PPP1R16B: variants seen among roughly 807,000 people sequenced by gnomAD.
PPP1R16B encodes protein phosphatase 1 regulatory subunit 16B.
PPP1R16B carries 14 observed loss-of-function variants against 61.7 expected under a neutral mutation model. The observed-to-expected ratio is 0.23, with a 90% CI of 0.15 to 0.35. The LOEUF (loss-of-function observed/expected upper bound fraction) is 0.35. PPP1R16B is among the 10% of genes least tolerant of loss of function. PPP1R16B has a pLI of 1.00. For synonymous variants in PPP1R16B, 266 were observed against 305.3 expected (o/e 0.87, Z 1.34); for missense variants, 547 against 752.5 (o/e 0.73, Z 3.19).
At chr20:38,815,317 A>G (rs976800272) in intron 1 of PPP1R16B, among the ~76,000 whole-genome samples, 3 of 152,242 alleles carry the variant, frequency 2.0e-5, no homozygotes, top group Admixed American at 6.5e-5. Context: ...CAGCTAATTT[A>G]TCTGAGCACA....
At chr20:38,863,416 C>G (rs1166150383) in intron 2 of PPP1R16B, among the ~76,000 whole-genome samples, 1 of 152,220 alleles carries the variant, frequency 6.6e-6, no homozygotes, top group Non-Finnish European at 1.5e-5. Flanking sequence ...GACCACTCCA[C>G]TAGGCCAAAG....
intron 2 of PPP1R16B, among the ~76,000 whole-genome samples, chr20:38,856,149 G>A (rs958801581): frequency 1.1e-4 from 17 of 151,628 alleles, no homozygotes; most frequent in Admixed American, 6.6e-5. Context: ...ACAGAGAATT[G>A]GATAATGAAG....
rs144366409 is a variant in PPP1R16B at position 38,907,517 on chromosome 20, T to C, written c.899-289T>C. On this transcript the variant is annotated intron_variant, in intron 8 of 10. Transcript: ENST00000299824. This position sits in a 1 kb window ranked among gnomAD's most constrained non-coding sequence, Gnocchi z 4.5. ...TGCTTGGGCTATGTGGGGTACCTGC[T>C]TGGGGACTCTTCTTGGAAACTATCA... Among the ~76,000 whole-genome samples the C allele has an allele frequency of 9.8e-5, 15 of 152,312 alleles. No homozygotes were observed. In the East Asian group the frequency reaches 2.5e-3, roughly 25 times the overall value.
intron 2 of PPP1R16B, among the ~76,000 whole-genome samples, chr20:38,879,369 T>C (rs1331924630): frequency 6.6e-6 from 1 of 152,104 alleles, no homozygotes; most frequent in Non-Finnish European, 1.5e-5. Context: ...CTGAGTTAAA[T>C]GCAGTTCTCC....
At position 38,835,919 on chromosome 20, in the gene PPP1R16B, G is replaced by C. The variant is rs199559035; in HGVS notation, c.-7G>C. On this transcript the variant is annotated 5_prime_UTR_variant, in exon 2 of 11. Coordinates refer to ENST00000299824, the MANE Select transcript of PPP1R16B (RefSeq NM_015568.4). ...CCCCAGCCAGGGCGTTGGGGAGGGC[G>C]GTGGCCATGGCCAGTCACGTGGACC... The C allele has an allele frequency of 1.0e-5, 16 of 1,534,022 alleles. No individual in the cohort carries two copies. The Admixed American group carries it at 2.6e-4, about 25-fold the overall frequency.
intron 2 of PPP1R16B, among the ~76,000 whole-genome samples, chr20:38,861,477 C>G (rs911237324): frequency 6.6e-6 from 1 of 152,160 alleles, no homozygotes; most frequent in Admixed American, 6.5e-5. Flanking sequence ...GGGCTAGGCT[C>G]TGCCTCAGGG....
At chr20:38,824,698 G>A (rs2084794399) in intron 1 of PPP1R16B, among the ~76,000 whole-genome samples, 1 of 152,204 alleles carries the variant, frequency 6.6e-6, no homozygotes, top group African/African-American at 2.4e-5. Flanking sequence ...ATTATTCTCT[G>A]AGCTTCAGTG....
rs530846822 is a variant in PPP1R16B at position 38,903,062 on chromosome 20, C to T, written c.696+270C>T. The stretch of plus-strand genomic sequence containing the variant: ...GGCTGAGGTGGGAGGATCACTTGAG[C>T]CTGGGAGTTTGAGTTTGAGTTGTGA... On this transcript the variant is annotated intron_variant, in intron 6 of 10. Coordinates refer to ENST00000299824, the MANE Select transcript of PPP1R16B (RefSeq NM_015568.4). Among the ~76,000 whole-genome samples the T allele has an allele frequency of 2.0e-5, 3 of 152,284 alleles. No homozygotes were observed. In the East Asian group the frequency reaches 5.8e-4, roughly 29 times the overall value.
intron 3 of PPP1R16B, among the ~76,000 whole-genome samples, chr20:38,892,261 G>A (rs2085297936): frequency 6.6e-6 from 1 of 152,050 alleles, no homozygotes; most frequent in Admixed American, 6.5e-5. Flanking sequence ...CTCACATAGT[G>A]CCTCAACTTC....
chr20:38,906,083 T>G lies in PPP1R16B; in HGVS notation c.811T>G (p.Phe271Val). 6.2e-7 allele frequency: 1 copy of G among 1,612,922 alleles called. No homozygotes were observed. The highest frequency in any genetic ancestry group is 8.5e-7 in the Non-Finnish European group (1 of 1,179,822). ...CTGGGAGCCCCTGCATGCAGCTGCC[T>G]TCTGGGGACAGGTAGTTCTCACCCA... ...DGWEPLHAAA[F>V]WGQMQMAELL... is the part of the protein sequence containing the mutation. The change falls in exon 7 of 11, where the codon TTC becomes GTC. Residue 271 changes from phenylalanine to valine, a missense_variant. Physicochemically the swap from Phe to Val is conservative, Grantham distance 50. Transcript: ENST00000299824.
chr20:38,810,633 C>T (rs1009445103), intron 1 of PPP1R16B, among the ~76,000 whole-genome samples: 6 of 152,158 alleles, frequency 3.9e-5, no homozygotes, highest in African/African-American at 1.4e-4. Flanking sequence ...GTGGAGGAAG[C>T]GTCATGACCT....
intron 1 of PPP1R16B, among the ~76,000 whole-genome samples, chr20:38,820,818 G>A (rs1324181023): frequency 6.6e-6 from 1 of 151,906 alleles, no homozygotes; most frequent in Admixed American, 6.6e-5. Flanking sequence ...GGATCATGAG[G>A]TCAGGAGATC....
chr20:38,854,789 C>T (rs918509750), intron 2 of PPP1R16B, among the ~76,000 whole-genome samples: 1 of 152,134 alleles, frequency 6.6e-6, no homozygotes, highest in Non-Finnish European at 1.5e-5. Flanking sequence ...GTCAGTTTGG[C>T]TGTTACTATC....
chr20:38,889,655 C>T lies in PPP1R16B; in HGVS notation c.311C>T (p.Ala104Val). ...PDLCNEDGLT[A>V]LHQCCIDNFE... ...TTGTGCAATGAGGACGGACTCACAG[C>T]CCTACACCAGGTAAGGCCGGGCTCG... The change falls in exon 3 of 11, where the codon GCC becomes GTC. Residue 104 changes from alanine to valine, a missense_variant. Physicochemically the swap from Ala to Val is moderately conservative, Grantham distance 64 (BLOSUM62 0). Coordinates refer to ENST00000299824, the MANE Select transcript of PPP1R16B (RefSeq NM_015568.4). 6.3e-7 allele frequency: 1 copy of T among 1,592,732 alleles called. No individual in the cohort carries two copies. Among genetic ancestry groups the T allele is most frequent in the Non-Finnish European group, 8.6e-7 (1 of 1,160,462 alleles).
At position 38,906,062 on chromosome 20, in the gene PPP1R16B, G is replaced by C. The variant is rs1034116206; in HGVS notation, c.790G>C (p.Glu264Gln). ...RVDVKDWDGW[E>Q]PLHAAAFWGQ... ...GGATGTGAAGGACTGGGATGGCTGGGAGCCCCTGCATGCAGCTGCCTTCTG... is the reference window on the plus strand; with the variant it reads ...GGATGTGAAGGACTGGGATGGCTGGCAGCCCCTGCATGCAGCTGCCTTCTG... The change falls in exon 7 of 11, where the codon GAG (glutamate) becomes CAG (glutamine). Residue 264 changes from glutamate to glutamine, a missense_variant. Transcript: ENST00000299824. 1 of 1,613,410 alleles carries C rather than the reference G, an allele frequency of 6.2e-7. No individual in the cohort carries two copies. The highest frequency in any genetic ancestry group is 8.5e-7 in the Non-Finnish European group (1 of 1,179,934).
At chr20:38,897,836 T>G (rs370918838) in intron 4 of PPP1R16B, among the ~76,000 whole-genome samples, 12 of 152,236 alleles carry the variant, frequency 7.9e-5, no homozygotes, top group Non-Finnish European at 1.5e-5. Context: ...TTGATTTGCA[T>G]TTTTCTCGTG....
chr20:38,870,638 G>A (rs954961166), intron 2 of PPP1R16B, among the ~76,000 whole-genome samples: 1 of 152,172 alleles, frequency 6.6e-6, no homozygotes, highest in African/African-American at 2.4e-5. Flanking sequence ...TTAGGAAGGT[G>A]TGAAACAGTG....
At chr20:38,911,170 T>C (rs1452251448) in intron 10 of PPP1R16B, among the ~76,000 whole-genome samples, 1 of 148,988 alleles carries the variant, frequency 6.7e-6, no homozygotes, top group Non-Finnish European at 1.5e-5. Flanking sequence ...TTTTTCTTTT[T>C]CTTTTTTTTT....
intron 1 of PPP1R16B, among the ~76,000 whole-genome samples, chr20:38,812,737 G>C (rs1318423860): frequency 6.6e-6 from 1 of 152,240 alleles, no homozygotes; most frequent in East Asian, 1.9e-4. Flanking sequence ...AGTCTGGGCT[G>C]TTGAAGGGAC....
Sources: gnomAD v4.1 joint callset for allele counts (sites outside exome capture counted in the v4.1 genomes callset) on GRCh38, gnomAD v4.1.1 for gene constraint, Gnocchi (gnomAD v3.1) non-coding constraint, MANE v1.5 for transcripts, NCBI Gene and HGNC (gene_info 2026-07-23, HGNC 2026-07-21) for gene names.